The following PCSK6 variants were observed in gnomAD, a reference collection of about 807,000 sequenced individuals.
PCSK6 encodes the protein paired basic amino acid cleaving enzyme 4.
PCSK6 carries 85 observed loss-of-function variants against 123.3 expected under a neutral mutation model. That is an observed-to-expected ratio of 0.69 (90% CI 0.58 to 0.83). The LOEUF is 0.83. Ranked by LOEUF, PCSK6 falls within the 40% of genes least tolerant of loss-of-function variation. The probability of loss-of-function intolerance (pLI) is 0.00; values close to 1 mark genes in which losing one functional copy is unlikely to be tolerated. For missense variants in PCSK6, 1,191 were observed against 1,282.3 expected (o/e 0.93, Z 1.09); for synonymous variants, 508 against 516.0 (o/e 0.98, Z 0.21).
chr15:101,325,059 A>C lies in PCSK6; in HGVS notation c.2181-13T>G. On this transcript the variant is annotated splice_polypyrimidine_tract_variant and intron_variant, in intron 16 of 21. Coordinates refer to ENST00000611716, the MANE Select transcript of PCSK6 (RefSeq NM_002570.5). ...ACTCACGCACTTCCTGTAGGAGCAA[A>C]GGCAGGAGGGTGAGGGCCTTGCCAA... is the stretch of plus-strand genomic sequence containing the variant. The C allele has an allele frequency of 6.3e-7, 1 of 1,593,322 alleles. No individual in the cohort carries two copies. Among genetic ancestry groups the C allele is most frequent in the Non-Finnish European group, 8.5e-7 (1 of 1,170,492 alleles).
At chr15:101,432,498 G>T (rs143529146) in intron 2 of PCSK6, among the ~76,000 whole-genome samples, 2 of 151,546 alleles carry the variant, frequency 1.3e-5, no homozygotes, top group Non-Finnish European at 1.5e-5. Flanking sequence ...GCATGATGGC[G>T]CATGCCTGTA....
At chr15:101,403,299 A>G (rs891105422) in intron 6 of PCSK6, among the ~76,000 whole-genome samples, 60 of 148,366 alleles carry the variant, frequency 4.0e-4, no homozygotes, top group African/African-American at 1.2e-3. Context: ...GAGGGATAGC[A>G]TTAGGAGATA....
chr15:101,411,607 C>G (rs1286250172), intron 6 of PCSK6, among the ~76,000 whole-genome samples: 1 of 152,138 alleles, frequency 6.6e-6, no homozygotes, highest in African/African-American at 2.4e-5. Context: ...TAAAAAGCAA[C>G]ATGAACAAGA....
intron 1 of PCSK6, among the ~76,000 whole-genome samples, chr15:101,455,074 A>T (rs1455317849): frequency 6.6e-6 from 1 of 152,264 alleles, no homozygotes; most frequent in East Asian, 1.9e-4. Context: ...TAACAACGTG[A>T]AAATACTAAA....
intron 6 of PCSK6, among the ~76,000 whole-genome samples, chr15:101,409,382 G>C (rs1205349394): frequency 6.6e-6 from 1 of 152,056 alleles, no homozygotes; most frequent in Non-Finnish European, 1.5e-5. Flanking sequence ...TCAGGAGATC[G>C]AGACCATCCT....
intron 6 of PCSK6, among the ~76,000 whole-genome samples, chr15:101,421,585 C>G (rs1247971176): frequency 6.6e-6 from 1 of 152,178 alleles, no homozygotes; most frequent in African/African-American, 2.4e-5. Context: ...TATGGGGACA[C>G]TCAAGCAACC....
intron 6 of PCSK6, among the ~76,000 whole-genome samples, chr15:101,402,950 T>C (rs1487416273): frequency 6.6e-6 from 1 of 152,182 alleles, no homozygotes; most frequent in African/African-American, 2.4e-5. Context: ...TAAATCATGC[T>C]GCTATAAAGA....
At chr15:101,387,243 G>GA (rs1282017652) in intron 9 of PCSK6, among the ~76,000 whole-genome samples, 2 of 152,168 alleles carry the variant, frequency 1.3e-5, no homozygotes, top group African/African-American at 4.8e-5. Flanking sequence ...CTGAGGCCTC[G>GA]AGTAGCCCAT....
chr15:101,452,863 T>A (rs2057071667), intron 1 of PCSK6, among the ~76,000 whole-genome samples: 1 of 152,164 alleles, frequency 6.6e-6, no homozygotes, highest in Non-Finnish European at 1.5e-5. Flanking sequence ...GCAGACACAG[T>A]CCTTGTTTAT....
At chr15:101,476,521 G>A (rs1159359008) in intron 1 of PCSK6, among the ~76,000 whole-genome samples, 1 of 116,018 alleles carries the variant, frequency 8.6e-6, no homozygotes, top group Non-Finnish European at 1.7e-5. Context: ...ACCTAGGTAG[G>A]TCCAAAAAAA....
At chr15:101,373,755 G>A (rs975165616) in intron 11 of PCSK6, among the ~76,000 whole-genome samples, 5 of 152,142 alleles carry the variant, frequency 3.3e-5, no homozygotes, top group Non-Finnish European at 7.3e-5. Flanking sequence ...AAACAGAAGT[G>A]GTTCTCCACC....
chr15:101,359,653 G>A (rs2041153941), intron 13 of PCSK6, among the ~76,000 whole-genome samples: 1 of 152,252 alleles, frequency 6.6e-6, no homozygotes, highest in Non-Finnish European at 1.5e-5. Flanking sequence ...CAAGCAGGGA[G>A]CTGATATGGC....
chr15:101,471,345 G>A (rs1033852472), intron 1 of PCSK6, among the ~76,000 whole-genome samples: 15 of 99,802 alleles, frequency 1.5e-4, no homozygotes, highest in East Asian at 6.4e-4. Context: ...TCTCTCCCAC[G>A]TCCACAAAAA....
chr15:101,439,400 G>C (rs560631362), intron 2 of PCSK6, among the ~76,000 whole-genome samples: 1 of 152,360 alleles, frequency 6.6e-6, no homozygotes, highest in African/African-American at 2.4e-5. Flanking sequence ...ATTCCTAGCA[G>C]CCATGCCACT....
chr15:101,466,817 A>G (rs2057471516), intron 1 of PCSK6, among the ~76,000 whole-genome samples: 1 of 152,128 alleles, frequency 6.6e-6, no homozygotes, highest in Admixed American at 6.6e-5. Flanking sequence ...AGAGACGGAG[A>G]GTAGATGAGT....
At position 101,472,560 on chromosome 15, in the gene PCSK6, G is replaced by C. The variant is rs191356082; in HGVS notation, c.297+16814C>G. ...AAACAGGTTCCCTCAACCTTGGAGAGACAAAAGGATCTCTCAATGGTGGCG... is the reference window on the plus strand; with the variant it reads ...AAACAGGTTCCCTCAACCTTGGAGACACAAAAGGATCTCTCAATGGTGGCG... On this transcript the variant is annotated intron_variant, in intron 1 of 21. Coordinates refer to ENST00000611716, the MANE Select transcript of PCSK6 (RefSeq NM_002570.5). 2.4e-3 allele frequency among the ~76,000 whole-genome samples: 359 copies of C among 152,360 alleles called. 1 individual carries two copies. Among genetic ancestry groups the C allele is most frequent in the African/African-American group, 7.9e-3 (329 of 41,594 alleles).
chr15:101,349,819 A>G (rs1038442802), intron 13 of PCSK6, among the ~76,000 whole-genome samples: 1 of 152,110 alleles, frequency 6.6e-6, no homozygotes, highest in African/African-American at 2.4e-5. Context: ...AGTGCCATAC[A>G]GATTCGTTTC....
intron 12 of PCSK6, 83 bp from the exon 13 acceptor site, chr15:101,366,415 G>C: frequency 1.4e-6 from 2 of 1,449,300 alleles, no homozygotes; most frequent in South Asian, 1.3e-5. Flanking sequence ...CAGGGCTCTC[G>C]GGGGACTGTA....
chr15:101,391,081 G>T (rs1298995320), intron 8 of PCSK6, among the ~76,000 whole-genome samples: 2 of 152,212 alleles, frequency 1.3e-5, no homozygotes. Flanking sequence ...CACACAGGAA[G>T]ATGTGACGGG....
Sources: allele counts gnomAD v4.1 joint callset (sites outside exome capture counted in the v4.1 genomes callset), GRCh38; gene constraint gnomAD v4.1.1; transcripts MANE v1.5; gene names NCBI Gene and HGNC (gene_info 2026-07-23, HGNC 2026-07-21).